AMZ1: variants seen among roughly 807,000 people sequenced by gnomAD.
The protein encoded by AMZ1 is archaemetzincin-1.
AMZ1 carries 39 observed loss-of-function variants against 29.9 expected under a neutral mutation model. That is an observed-to-expected ratio of 1.30 (90% CI 1.01 to 1.70). AMZ1 has a LOEUF of 1.70. AMZ1 is among the 40% of genes most tolerant of loss of function. The probability of loss-of-function intolerance (pLI) is 0.00; values close to 1 mark genes in which losing one functional copy is unlikely to be tolerated. For missense variants in AMZ1, 1,041 were observed against 680.6 expected (o/e 1.53, Z -5.89); for synonymous variants, 458 against 304.0 (o/e 1.51, Z -5.27).
intron 4 of AMZ1, among the ~76,000 whole-genome samples, chr7:2,742,812 A>C (rs761769907): frequency 6.6e-6 from 1 of 152,240 alleles, no homozygotes; most frequent in Non-Finnish European, 1.5e-5. Context: ...GCATCTTTAA[A>C]CATTTCCCAT....
chr7:2,696,513 T>C (rs1033880893), intron 1 of AMZ1, among the ~76,000 whole-genome samples: 3 of 150,648 alleles, frequency 2.0e-5, no homozygotes, highest in Admixed American at 6.6e-5. Context: ...CGCCTGGGCC[T>C]CCCAAAGTGC....
At chr7:2,764,971 G>C (rs891931856) in intron 1 of AMZ1, 2 of 152,226 alleles carry the variant, frequency 1.3e-5, no homozygotes, top group African/African-American at 4.8e-5. Flanking sequence ...CGGTGGAAAA[G>C]TAATAAGCAG....
intron 1 of AMZ1, among the ~76,000 whole-genome samples, chr7:2,689,037 C>G (rs1018037021): frequency 2.0e-5 from 3 of 152,232 alleles, no homozygotes; most frequent in Non-Finnish European, 2.9e-5. Context: ...CCGGAGGCCA[C>G]TACCCCTGCG....
intron 1 of AMZ1, among the ~76,000 whole-genome samples, chr7:2,682,692 C>T (rs1418338488): frequency 1.3e-5 from 2 of 152,194 alleles, no homozygotes; most frequent in African/African-American, 2.4e-5. Context: ...GGGCCATACA[C>T]GGCTCCCCTG....
At chr7:2,730,559 G>A (rs1234093094) in intron 4 of AMZ1, 1 of 152,536 alleles carries the variant, frequency 6.6e-6, no homozygotes, top group African/African-American at 2.4e-5. Flanking sequence ...TCATCTGAGA[G>A]GCTTGGACTA....
chr7:2,732,955 AC>A (rs557905232), intron 4 of AMZ1, among the ~76,000 whole-genome samples: 1 of 152,198 alleles, frequency 6.6e-6, no homozygotes, highest in Non-Finnish European at 1.5e-5. Context: ...AAATCTCTAA[AC>A]TGACTAGGTT....
intron 1 of AMZ1, among the ~76,000 whole-genome samples, chr7:2,696,916 G>A (rs1371817510): frequency 6.6e-6 from 1 of 151,996 alleles, no homozygotes; most frequent in Non-Finnish European, 1.5e-5. Context: ...AAACCTTGAG[G>A]GCTGGTGGGA....
intron 1 of AMZ1, chr7:2,765,018 C>T (rs1791745677): frequency 6.6e-6 from 1 of 152,150 alleles, no homozygotes; most frequent in Admixed American, 6.5e-5. Context: ...GAAAACCTTT[C>T]CTTAAAGGAA....
intron 1 of AMZ1, among the ~76,000 whole-genome samples, chr7:2,689,655 C>G (rs1178650576): frequency 1.3e-5 from 2 of 152,220 alleles, no homozygotes; most frequent in Admixed American, 1.3e-4. Flanking sequence ...AGTTTCCCCA[C>G]CTGAAACACC....
chr7:2,706,666 GTCTCT>G (rs1021640749), intron 3 of AMZ1, among the ~76,000 whole-genome samples: 1 of 152,176 alleles, frequency 6.6e-6, no homozygotes, highest in Admixed American at 6.5e-5. Context: ...GTGCCTCTGC[GTCTCT>G]TCTAAGACTC....
chr7:2,699,546 T>C (rs1431021626), intron 1 of AMZ1, among the ~76,000 whole-genome samples: 1 of 147,402 alleles, frequency 6.8e-6, no homozygotes. Context: ...CCCCCAAACA[T>C]ATGCTTGCTG....
At chr7:2,688,659 G>A (rs1380400908) in intron 1 of AMZ1, among the ~76,000 whole-genome samples, 1 of 152,170 alleles carries the variant, frequency 6.6e-6, no homozygotes, top group Non-Finnish European at 1.5e-5. Context: ...CCAAGCGCCC[G>A]AAAGAAGGCG....
intron 4 of AMZ1, chr7:2,729,195 T>C (rs1789759967): frequency 6.6e-6 from 1 of 152,402 alleles, no homozygotes; most frequent in Non-Finnish European, 1.5e-5. Flanking sequence ...CTCTGGGCTC[T>C]GGATTCTAAC....
At chr7:2,699,694 A>G (rs967328905) in intron 1 of AMZ1, among the ~76,000 whole-genome samples, 1 of 152,100 alleles carries the variant, frequency 6.6e-6, no homozygotes, top group African/African-American at 2.4e-5. Flanking sequence ...GCTCTGGGTA[A>G]GGAGGAACCC....
rs777131668 is a variant in AMZ1 at position 2,758,912 on chromosome 7, A to T, written n.551-5800A>T. On this transcript the variant is annotated intron_variant and non_coding_transcript_variant, in intron 4 of 4. Coordinates refer to the AMZ1 transcript ENST00000489665. ...ATAATCCCAGCGCTCTGGGAGGCCG[A>T]GGTGGATCACCTGAGGTCAGGAGTT... Among the ~76,000 whole-genome samples the T allele has an allele frequency of 9.2e-5, 14 of 152,182 alleles. No homozygotes were observed. The South Asian group carries it at 1.2e-3, about 14-fold the overall frequency.
downstream of AMZ1, among the ~76,000 whole-genome samples, chr7:2,723,649 G>A (rs73047363): frequency 1.8e-3 from 270 of 152,300 alleles, no homozygotes; most frequent in Non-Finnish European, 2.8e-3. Flanking sequence ...CCAAGCTCTC[G>A]GGGACGATTC....
At chr7:2,735,604 C>G (rs1384406681) in intron 4 of AMZ1, among the ~76,000 whole-genome samples, 1 of 152,204 alleles carries the variant, frequency 6.6e-6, no homozygotes, top group African/African-American at 2.4e-5. Context: ...ATCAGTCCCC[C>G]AGCTGCACTT....
chr7:2,694,272 G>A (rs1787574655), intron 1 of AMZ1, among the ~76,000 whole-genome samples: 1 of 152,138 alleles, frequency 6.6e-6, no homozygotes, highest in Admixed American at 6.6e-5. Context: ...CTCGCCGCTG[G>A]AGCTGGGACA....
intron 4 of AMZ1, among the ~76,000 whole-genome samples, chr7:2,740,411 G>C (rs1435804954): frequency 6.6e-6 from 1 of 152,132 alleles, no homozygotes; most frequent in Non-Finnish European, 1.5e-5. Flanking sequence ...TGAGGCACCA[G>C]GACACAGTGA....
Sources: allele counts gnomAD v4.1 joint callset (sites outside exome capture counted in the v4.1 genomes callset), GRCh38; gene constraint gnomAD v4.1.1; transcripts MANE v1.5; gene names NCBI Gene and HGNC (gene_info 2026-07-23, HGNC 2026-07-21).